Variants in IPCEF1 observed in about 807,000 individuals in gnomAD.
IPCEF1 encodes interactor protein for cytohesin exchange factors 1.
IPCEF1 carries 31 observed loss-of-function variants against 50.9 expected under a neutral mutation model. The observed-to-expected ratio is 0.61, with a 90% CI of 0.46 to 0.82. The LOEUF is 0.82. IPCEF1 is among the 40% of genes least tolerant of loss of function. IPCEF1 has a pLI of 0.00. For missense variants in IPCEF1, 458 were observed against 514.0 expected (o/e 0.89, Z 1.05); for synonymous variants, 181 against 192.0 (o/e 0.94, Z 0.47).
At chr6:154,209,311 T>C (rs1777765811) in intron 9 of IPCEF1, among the ~76,000 whole-genome samples, 2 of 152,212 alleles carry the variant, frequency 1.3e-5, no homozygotes, top group Admixed American at 1.3e-4. Flanking sequence ...AAGTCATCGC[T>C]AGCCTATACT....
chr6:154,256,234 C>T (rs1349807049), intron 3 of IPCEF1, among the ~76,000 whole-genome samples: 1 of 152,142 alleles, frequency 6.6e-6, no homozygotes, highest in Non-Finnish European at 1.5e-5. Flanking sequence ...ATTATATCCT[C>T]ACATGGCCAG....
chr6:154,222,184 G>T (rs12205120), intron 6 of IPCEF1, among the ~76,000 whole-genome samples: 12,369 of 152,276 alleles, frequency 0.081, 1,006 homozygotes, highest in East Asian at 0.42. Context: ...AAGAAAAGCA[G>T]AAAACATTGA....
chr6:154,305,744 A>C (rs1228691902), intron 1 of IPCEF1, among the ~76,000 whole-genome samples: 1 of 152,188 alleles, frequency 6.6e-6, no homozygotes, highest in Non-Finnish European at 1.5e-5. Flanking sequence ...TGGAGCTGGA[A>C]TAAAGCAGGC....
chr6:154,213,272 A>C (rs1384993527), intron 8 of IPCEF1: 2 of 191,978 alleles, frequency 1.0e-5, no homozygotes, highest in Non-Finnish European at 2.2e-5. Flanking sequence ...CTGAGGGAGC[A>C]GGCTGGGCCA....
intron 5 of IPCEF1, among the ~76,000 whole-genome samples, chr6:154,239,210 C>T (rs1003850595): frequency 2.6e-5 from 4 of 152,152 alleles, no homozygotes; most frequent in Admixed American, 6.5e-5. Context: ...ATATTGGCAA[C>T]ATGAGCAATT....
intron 1 of IPCEF1, among the ~76,000 whole-genome samples, chr6:154,305,370 C>T (rs1439073172): frequency 1.3e-5 from 2 of 152,128 alleles, no homozygotes; most frequent in African/African-American, 2.4e-5. Flanking sequence ...TTGTCCATTT[C>T]CACAGCAATC....
At chr6:154,230,118 T>A (rs1779607239) in intron 5 of IPCEF1, among the ~76,000 whole-genome samples, 1 of 152,210 alleles carries the variant, frequency 6.6e-6, no homozygotes, top group South Asian at 2.1e-4. Flanking sequence ...ACCAATTATT[T>A]AAAACTGATT....
rs148917850 is a variant in IPCEF1, at chr6:154,260,798, G to A, written c.36+5114C>T. Among the ~76,000 whole-genome samples, 1,375 of 152,082 alleles carry A rather than the reference G, an allele frequency of 9.0e-3. 23 individuals are homozygous for A. The highest frequency in any genetic ancestry group is 0.03 in the African/African-American group (1,263 of 41,464). On this transcript the variant is annotated intron_variant, in intron 3 of 11. Coordinates refer to ENST00000367220, the MANE Select transcript of IPCEF1 (RefSeq NM_001130700.2). ...CCAGAGAACTTTATAATCAAGCCTT[G>A]AAGATTCATATATGCTAGTATTATT...
chr6:154,206,315 A>C (rs189021906), intron 9 of IPCEF1, among the ~76,000 whole-genome samples: 2 of 152,372 alleles, frequency 1.3e-5, no homozygotes, highest in East Asian at 3.9e-4. Flanking sequence ...TCTCAAAGCC[A>C]TGCAAAAGCA....
chr6:154,251,840 G>A (rs963400171), intron 3 of IPCEF1, among the ~76,000 whole-genome samples: 9 of 152,068 alleles, frequency 5.9e-5, no homozygotes, highest in African/African-American at 1.7e-4. Context: ...GCTGCAGGAA[G>A]GGTGCAAGAG....
chr6:154,173,020 C>A (rs1374742624), intron 10 of IPCEF1, among the ~76,000 whole-genome samples: 1 of 152,210 alleles, frequency 6.6e-6, no homozygotes, highest in Non-Finnish European at 1.5e-5. Context: ...GATACCCAGG[C>A]AAACAGGGTC....
At chr6:154,354,469 A>ACCAC (rs1391626170) in intron 1 of IPCEF1, among the ~76,000 whole-genome samples, 1 of 146,962 alleles carries the variant, frequency 6.8e-6, no homozygotes, top group Non-Finnish European at 1.5e-5. Flanking sequence ...CATCTCCTCC[A>ACCAC]CAACCACCTC....
At chr6:154,324,069 T>G (rs1783460435) in intron 1 of IPCEF1, among the ~76,000 whole-genome samples, 1 of 152,234 alleles carries the variant, frequency 6.6e-6, no homozygotes, top group Admixed American at 6.5e-5. Flanking sequence ...TTGTCTACTT[T>G]GATAAGTTTG....
Position 154,156,828 on chromosome 6 carries a change from TC to T in IPCEF1, c.*2999del, listed in dbSNP as rs1798736784. On this transcript the variant is annotated 3_prime_UTR_variant, in exon 12 of 12. Transcript: ENST00000367220. The stretch of plus-strand genomic sequence containing the variant: ...AACCAGTGAAGGCATCACATCAGGC[TC>T]CGTTCTGGATCTACAGGCTAACAAC... 6.6e-6 allele frequency: 1 copy of T among 152,164 alleles called. No individual in the cohort carries two copies. Among genetic ancestry groups the T allele is most frequent in the South Asian group, 2.1e-4 (1 of 4,834 alleles). The allele number at this position is 152,164 out of a possible 1,614,324, so 9.4% of individuals were successfully genotyped here.
intron 1 of IPCEF1, among the ~76,000 whole-genome samples, chr6:154,351,897 C>T (rs1784125381): frequency 1.3e-5 from 2 of 152,204 alleles, no homozygotes; most frequent in South Asian, 4.1e-4. Flanking sequence ...AAACCAAATA[C>T]CGCATGTTCT....
At chr6:154,245,287 GA>G (rs34710266) in intron 5 of IPCEF1, among the ~76,000 whole-genome samples, 24 of 108,406 alleles carry the variant, frequency 2.2e-4, no homozygotes, top group East Asian at 1.0e-3. Context: ...CAAATGCTTG[GA>G]AAAAAAAAAT....
At chr6:154,188,523 A>G (rs1418868466) in intron 10 of IPCEF1, among the ~76,000 whole-genome samples, 1 of 152,246 alleles carries the variant, frequency 6.6e-6, no homozygotes, top group Non-Finnish European at 1.5e-5. Flanking sequence ...TGTGTGGGTA[A>G]TTTCACTGGG....
At chr6:154,268,642 A>T (rs962580714) in intron 2 of IPCEF1, among the ~76,000 whole-genome samples, 5 of 152,302 alleles carry the variant, frequency 3.3e-5, no homozygotes, top group Admixed American at 2.0e-4. Flanking sequence ...AATAAAGATC[A>T]AAATTGTGAA....
At chr6:154,352,353 C>G (rs1784132948) in intron 1 of IPCEF1, among the ~76,000 whole-genome samples, 1 of 152,162 alleles carries the variant, frequency 6.6e-6, no homozygotes, top group Non-Finnish European at 1.5e-5. Context: ...TATTTCAATG[C>G]TTAGTGCATG....
Sources: allele counts gnomAD v4.1 joint callset (sites outside exome capture counted in the v4.1 genomes callset), GRCh38; gene constraint gnomAD v4.1.1; transcripts MANE v1.5; gene names NCBI Gene and HGNC (gene_info 2026-07-23, HGNC 2026-07-21).